Variants in DENND1B observed in about 807,000 individuals in gnomAD.
DENND1B encodes the protein DENN domain-containing protein 1B.
Under a neutral mutation model 90.1 loss-of-function variants are expected in DENND1B, and 59 were observed. The observed-to-expected ratio is 0.65, with a 90% CI of 0.53 to 0.81. The LOEUF is 0.81. Ranked by LOEUF, DENND1B falls within the 40% of genes least tolerant of loss-of-function variation. The pLI is 0.00. For missense variants in DENND1B, 862 were observed against 912.6 expected (o/e 0.94, Z 0.71); for synonymous variants, 337 against 324.6 (o/e 1.04, Z -0.41).
chr1:197,580,087 C>CTTTCT (rs1674069783), intron 15 of DENND1B, among the ~76,000 whole-genome samples: 4 of 76,744 alleles, frequency 5.2e-5, no homozygotes, highest in Admixed American at 1.9e-4. Context: ...TTCTTTCTTT[C>CTTTCT]TTTTTTTTTT....
chr1:197,699,233 CT>C (rs1172304604), intron 3 of DENND1B, among the ~76,000 whole-genome samples: 7 of 152,170 alleles, frequency 4.6e-5, no homozygotes, highest in Non-Finnish European at 1.0e-4. Context: ...AGCTTCATCC[CT>C]GGGATGCAAG....
chr1:197,544,122 G>A (rs563953060), intron 18 of DENND1B, among the ~76,000 whole-genome samples: 1 of 152,306 alleles, frequency 6.6e-6, no homozygotes, highest in East Asian at 1.9e-4. Context: ...AACAAGTGTT[G>A]AAACAGAAGG....
chr1:197,730,334 A>T (rs544295303), intron 2 of DENND1B, among the ~76,000 whole-genome samples: 1 of 152,256 alleles, frequency 6.6e-6, no homozygotes, highest in South Asian at 2.1e-4. Context: ...GACATGTAGT[A>T]AAAAATAGAT....
chr1:197,599,444 A>G (rs568421744), intron 13 of DENND1B, among the ~76,000 whole-genome samples: 57 of 152,024 alleles, frequency 3.7e-4, no homozygotes, highest in African/African-American at 1.3e-3. Flanking sequence ...TAGATAATCT[A>G]CACAACCTAA....
chr1:197,606,268 A>ACG (rs1558298108), intron 13 of DENND1B: 5 of 151,338 alleles, frequency 3.3e-5, no homozygotes, highest in African/African-American at 1.2e-4. Context: ...ACACACGCAC[A>ACG]CACACACACA....
At chr1:197,734,071 TACTGTATTTTTC>T (rs1406320021) in intron 2 of DENND1B, 1 of 954,152 alleles carries the variant, frequency 1.0e-6, no homozygotes, top group Non-Finnish European at 1.2e-6. Context: ...GAAATTCTGC[TACTGTATTTTTC>T]ACTGAAGGAC....
chr1:197,778,766 C>A (rs2102536047), upstream of DENND1B, among the ~76,000 whole-genome samples: 1 of 150,922 alleles, frequency 6.6e-6, no homozygotes, highest in South Asian at 2.1e-4. Context: ...TTTGTTTCTT[C>A]TGATCTGTTT....
chr1:197,588,107 G>A (rs968952531), intron 14 of DENND1B, among the ~76,000 whole-genome samples: 1 of 152,208 alleles, frequency 6.6e-6, no homozygotes, highest in African/African-American at 2.4e-5. Flanking sequence ...CCTAACGGGA[G>A]CTGGGGATCC....
chr1:197,742,382 T>C (rs976946940), intron 2 of DENND1B, among the ~76,000 whole-genome samples: 1 of 152,146 alleles, frequency 6.6e-6, no homozygotes, highest in African/African-American at 2.4e-5. Flanking sequence ...ATACTCTAAA[T>C]AATTTTTAAA....
chr1:197,630,731 T>C (rs1047713819), intron 10 of DENND1B, among the ~76,000 whole-genome samples: 1 of 152,112 alleles, frequency 6.6e-6, no homozygotes, highest in Non-Finnish European at 1.5e-5. Context: ...CATTCTTTCT[T>C]TCATTTTATA....
intron 3 of DENND1B, among the ~76,000 whole-genome samples, chr1:197,675,396 C>G (rs1378226149): frequency 2.0e-5 from 3 of 152,102 alleles, no homozygotes; most frequent in Non-Finnish European, 4.4e-5. Context: ...CCTAAGAAAG[C>G]TTCAGTGCCT....
At chr1:197,613,365 T>G (rs1677353616) in intron 11 of DENND1B, among the ~76,000 whole-genome samples, 1 of 150,908 alleles carries the variant, frequency 6.6e-6, no homozygotes, top group Admixed American at 6.6e-5. Flanking sequence ...CATTACTTCT[T>G]ATTGTACTAG....
chr1:197,748,502 A>G (rs1653015159), intron 2 of DENND1B, among the ~76,000 whole-genome samples: 1 of 152,190 alleles, frequency 6.6e-6, no homozygotes, highest in Admixed American at 6.5e-5. Flanking sequence ...TAAAATAGGG[A>G]GCATATCCTA....
At chr1:197,548,665 ACT>A (rs1319788038) in intron 16 of DENND1B, among the ~76,000 whole-genome samples, 1 of 152,108 alleles carries the variant, frequency 6.6e-6, no homozygotes. Flanking sequence ...TATTCCTTCA[ACT>A]CTGAAAAACT....
intron 10 of DENND1B, among the ~76,000 whole-genome samples, chr1:197,624,024 A>C (rs569417699): frequency 1.9e-4 from 29 of 151,664 alleles, no homozygotes; most frequent in Admixed American, 1.3e-4. Context: ...TATAGATTAC[A>C]ATCCCAATCA....
chr1:197,692,363 A>G (rs970345952), intron 3 of DENND1B, among the ~76,000 whole-genome samples: 2 of 151,884 alleles, frequency 1.3e-5, no homozygotes, highest in African/African-American at 4.8e-5. Flanking sequence ...GTTATTTCCT[A>G]TTAGTCAATG....
At chr1:197,755,573 T>C (rs1654177049) in intron 2 of DENND1B, among the ~76,000 whole-genome samples, 1 of 152,112 alleles carries the variant, frequency 6.6e-6, no homozygotes, top group African/African-American at 2.4e-5. Flanking sequence ...CTTAAACTAA[T>C]AAGAATTTCC....
chr1:197,540,003 A>G lies in DENND1B; in HGVS notation c.1476T>C (p.Asn492=), dbSNP rs370579306. 6.2e-7 allele frequency: 1 copy of G among 1,613,306 alleles called. No individual in the cohort carries two copies. Among genetic ancestry groups the G allele is most frequent in the African/African-American group, 1.3e-5 (1 of 74,892 alleles). Residue 492 remains asparagine (N), a synonymous_variant, in exon 20 of 23, where the codon AAT becomes AAC. Coordinates refer to ENST00000620048, the MANE Select transcript of DENND1B (RefSeq NM_001195215.2). ...VQYTPVYKLH[N]EKGGNSEKRK... ...GCTTTTCTGAGTTTCCTCCCTTTTC[A>G]TTGTGTAATTTGTAAACTGGTGTAT... is the stretch of plus-strand genomic sequence containing the variant.
At chr1:197,726,854 C>T (rs1187228485) in intron 2 of DENND1B, among the ~76,000 whole-genome samples, 47 of 152,114 alleles carry the variant, frequency 3.1e-4, no homozygotes, top group African/African-American at 2.4e-5. Context: ...GTGGGGAACA[C>T]CTTTCAAATG....
Sources: gnomAD v4.1 joint callset for allele counts (sites outside exome capture counted in the v4.1 genomes callset) on GRCh38, gnomAD v4.1.1 for gene constraint, MANE v1.5 for transcripts, NCBI Gene and HGNC (gene_info 2026-07-23, HGNC 2026-07-21) for gene names.